The following WDR27 variants were observed in gnomAD, a reference collection of about 807,000 sequenced individuals.
WDR27 encodes the protein WD repeat-containing protein 27.
A neutral mutation model predicts 114.4 loss-of-function variants in WDR27; 100 were observed. The ratio of observed to expected loss-of-function variants is 0.87; its 90% confidence interval spans 0.74 to 1.03. The LOEUF (loss-of-function observed/expected upper bound fraction) is 1.03. WDR27 is among the 50% of genes least tolerant of loss of function. The pLI, the probability that WDR27 is intolerant of heterozygous loss-of-function variation, is 0.00. For missense variants in WDR27, 1,129 were observed against 1,092.9 expected, an observed-to-expected ratio of 1.03 and a Z score of -0.47; for synonymous variants, 449 against 423.1, an observed-to-expected ratio of 1.06 and a Z score of -0.75.
chr6:169,440,502 T>C, the WDR27 span, among the ~76,000 whole-genome samples: 1 of 152,224 alleles, frequency 6.6e-6, no homozygotes, highest in African/African-American at 2.4e-5. Flanking sequence ...ACTGTGAAAC[T>C]GCCAACTTCA....
At chr6:169,677,815 A>G (rs987939702) in intron 2 of WDR27, among the ~76,000 whole-genome samples, 4 of 152,260 alleles carry the variant, frequency 2.6e-5, no homozygotes, top group Non-Finnish European at 5.9e-5. Context: ...GCCTCAGCTC[A>G]GAGGACCCCA....
intron 2 of WDR27, among the ~76,000 whole-genome samples, chr6:169,679,113 G>A (rs1780819256): frequency 6.6e-6 from 1 of 152,148 alleles, no homozygotes; most frequent in Non-Finnish European, 1.5e-5. Flanking sequence ...CTATAGCCTG[G>A]AAGCCCCCGC....
At chr6:169,665,667 T>A (rs1023893065) in intron 6 of WDR27, 111 bp from the exon 7 acceptor site, 1 of 1,024,700 alleles carries the variant, frequency 9.8e-7, no homozygotes, top group Non-Finnish European at 1.4e-6. Flanking sequence ...TTACAGTATT[T>A]CTGTTAGTCA....
intron 21 of WDR27, among the ~76,000 whole-genome samples, chr6:169,617,304 G>A (rs777112839): frequency 1.3e-5 from 2 of 152,240 alleles, no homozygotes; most frequent in African/African-American, 4.8e-5. Context: ...GGTGCCTGAT[G>A]TATGTAGAGC....
chr6:169,584,062 C>CATTTCCTCCCG lies in WDR27; in HGVS notation c.2425-1129_2425-1128insCGGGAGGAAAT, dbSNP rs6149943. Reference sequence around the variant, plus strand: ...TCGTATCCTTTGACCCACATCTCCCCCTCCCCGCCTATGTCTACCCTGTTA... The same window carrying CATTTCCTCCCG: ...TCGTATCCTTTGACCCACATCTCCCCATTTCCTCCCGCTCCCCGCCTATGTCTACCCTGTTA... On this transcript the variant is annotated intron_variant, in intron 23 of 25. Coordinates refer to ENST00000448612, the MANE Select transcript of WDR27 (RefSeq NM_182552.5). 7.4e-3 allele frequency among the ~76,000 whole-genome samples: 1,124 copies of CATTTCCTCCCG among 152,140 alleles called. 26 individuals carry two copies. The highest frequency in any genetic ancestry group is 0.026 in the African/African-American group (1,089 of 41,504).
At chr6:169,697,742 T>A (rs1168960062) in intron 1 of WDR27, among the ~76,000 whole-genome samples, 1 of 152,236 alleles carries the variant, frequency 6.6e-6, no homozygotes, top group Non-Finnish European at 1.5e-5. Flanking sequence ...CCCTGTCCAG[T>A]GGACACGTGA....
chr6:169,453,626 C>G (rs1396553294), downstream of WDR27, among the ~76,000 whole-genome samples: 1 of 152,202 alleles, frequency 6.6e-6, no homozygotes, highest in Non-Finnish European at 1.5e-5. Context: ...ACCAGTCAAG[C>G]TTGTTTCATT....
intron 25 of WDR27, among the ~76,000 whole-genome samples, chr6:169,520,831 A>G (rs543014625): frequency 4.1e-4 from 62 of 152,258 alleles, no homozygotes; most frequent in African/African-American, 1.4e-3. Flanking sequence ...TGAAATACAG[A>G]AAGAGAAAAA....
intron 25 of WDR27, among the ~76,000 whole-genome samples, chr6:169,538,027 G>GTA (rs1176961432): frequency 6.6e-6 from 1 of 150,726 alleles, no homozygotes; most frequent in African/African-American, 2.4e-5. Context: ...AATTGGGTGT[G>GTA]TATGTGTGGT....
Position 169,701,772 on chromosome 6 carries a change from A to T in WDR27, c.-229T>A. 3.8e-6 allele frequency: 1 copy of T among 266,302 alleles called. No homozygotes were observed. Among genetic ancestry groups the T allele is most frequent in the Non-Finnish European group, 7.3e-6 (1 of 136,112 alleles). The allele number at this position is 266,302 out of a possible 1,614,324, so 16.5% of individuals were successfully genotyped here. On this transcript the variant is annotated 5_prime_UTR_variant, in exon 1 of 26. It adds an upstream start codon to the 5' untranslated region. Coordinates refer to ENST00000448612, the MANE Select transcript of WDR27 (RefSeq NM_182552.5). ...GGAAGCGGTCACGGCGGAACCCTCA[A>T]ATCGCCCCCTTTCCTAGAGACCTCA...
intron 25 of WDR27, among the ~76,000 whole-genome samples, chr6:169,569,003 A>G (rs1800938463): frequency 1.3e-5 from 2 of 152,248 alleles, no homozygotes; most frequent in South Asian, 4.1e-4. Flanking sequence ...CCCAAGAGGA[A>G]GAGACGCCGC....
At chr6:169,429,116 G>C in the WDR27 span, among the ~76,000 whole-genome samples, 2 of 152,042 alleles carry the variant, frequency 1.3e-5, no homozygotes, top group African/African-American at 4.8e-5. Flanking sequence ...CTTCACCCTT[G>C]TTTTCCAGCC....
At chr6:169,477,056 A>G (rs1465966292) in intron 25 of WDR27, among the ~76,000 whole-genome samples, 1 of 152,208 alleles carries the variant, frequency 6.6e-6, no homozygotes, top group African/African-American at 2.4e-5. Flanking sequence ...TTTAAATCCT[A>G]AATAGTAACA....
chr6:169,578,315 ACG>A (rs1435813015), intron 24 of WDR27, among the ~76,000 whole-genome samples: 2 of 152,204 alleles, frequency 1.3e-5, no homozygotes, highest in Non-Finnish European at 2.9e-5. Flanking sequence ...AAACAATGGC[ACG>A]GGCTTATCTT....
At position 169,659,485 on chromosome 6, in the gene WDR27, G is replaced by T; in HGVS notation, c.1163C>A (p.Ser388Ter). 1.2e-6 allele frequency: 2 copies of T among 1,610,294 alleles called. No individual in the cohort carries two copies. The highest frequency in any genetic ancestry group is 2.2e-5 in the South Asian group (2 of 90,186). The change falls in exon 11 of 26, where the codon TCG becomes TAG. Residue 388 changes from serine (S) to a stop codon, truncating the protein, a stop_gained. Coordinates refer to ENST00000448612, the MANE Select transcript of WDR27 (RefSeq NM_182552.5). LOFTEE classifies it high-confidence loss of function. The surrounding 1 kb of genome is among the most constrained non-coding windows in gnomAD (Gnocchi z 4.3). ...FQSLSILLAG[S>*]CALRNRTADQ... ...CGCAGTGCGGTTCCTCAGGGCACAC[G>T]ATCCGGCCAGCAGGATGCTGAGGCT...
chr6:169,470,333 A>C (rs534351646), intron 25 of WDR27, among the ~76,000 whole-genome samples: 1 of 152,316 alleles, frequency 6.6e-6, no homozygotes, highest in African/African-American at 2.4e-5. Flanking sequence ...CTGCATCTGC[A>C]GCATGCACAT....
At chr6:169,596,229 C>T (rs894855166) in intron 23 of WDR27, among the ~76,000 whole-genome samples, 46 of 151,976 alleles carry the variant, frequency 3.0e-4, no homozygotes, top group African/African-American at 1.1e-3. Context: ...AAAAAAATGT[C>T]CAGGGACTCC....
chr6:169,510,681 A>T (rs1283827388), intron 25 of WDR27, among the ~76,000 whole-genome samples: 2 of 151,880 alleles, frequency 1.3e-5, no homozygotes, highest in Non-Finnish European at 2.9e-5. Flanking sequence ...ACCTAATGCT[A>T]AATGACGAGT....
chr6:169,649,639 T>C (rs1821726802), intron 14 of WDR27, among the ~76,000 whole-genome samples: 1 of 152,016 alleles, frequency 6.6e-6, no homozygotes, highest in South Asian at 2.1e-4. Flanking sequence ...ACTGATGACA[T>C]GCCTTAATAT....
Sources: gnomAD v4.1 joint callset for allele counts (sites outside exome capture counted in the v4.1 genomes callset) on GRCh38, gnomAD v4.1.1 for gene constraint, Gnocchi (gnomAD v3.1) non-coding constraint, MANE v1.5 for transcripts, NCBI Gene and HGNC (gene_info 2026-07-23, HGNC 2026-07-21) for gene names.